Variants in BIN2 observed in about 807,000 individuals in gnomAD.
BIN2 encodes breast cancer associated protein BRAP1.
BIN2 carries 43 observed loss-of-function variants against 67.9 expected under a neutral mutation model. The ratio of observed to expected loss-of-function variants is 0.63; its 90% CI spans 0.50 to 0.82. The LOEUF is 0.82. Among genes scored for constraint, BIN2 ranks in the 40% least tolerant of loss-of-function variants. BIN2 has a pLI of 0.00. For synonymous variants in BIN2, 244 were observed against 246.8 expected (o/e 0.99, Z 0.11); for missense variants, 581 against 671.6 (o/e 0.87, Z 1.49).
At chr12:51,301,684 A>G (rs1377739598) in intron 5 of BIN2, among the ~76,000 whole-genome samples, 2 of 150,972 alleles carry the variant, frequency 1.3e-5, no homozygotes, top group Admixed American at 6.6e-5. Flanking sequence ...TTTTTTTTGT[A>G]TTTTTTGTAG....
Position 51,292,016 on chromosome 12 carries a change from T to G in BIN2, c.1090A>C (p.Ser364Arg). Residue 364 changes from serine to arginine, a missense_variant, in exon 10 of 13, where the codon AGC becomes CGC. By Grantham distance (110) the Ser-to-Arg change is moderately radical. Transcript: ENST00000615107. ...CCGCCTGGTGATGGAGTTGTGGAGC[T>G]GGGGAGAACTTCCTCCTGGGACTTG... ...RAKSQEEVLPSSTTPSPGGAL... is the reference protein window; with the variant it reads ...RAKSQEEVLPRSTTPSPGGAL... The G allele has an allele frequency of 6.2e-7, 1 of 1,614,108 alleles. No individual in the cohort carries two copies. The highest frequency in any genetic ancestry group is 1.3e-5 in the African/African-American group (1 of 75,018).
At chr12:51,310,049 C>T (rs185537254) in intron 2 of BIN2, among the ~76,000 whole-genome samples, 3 of 152,314 alleles carry the variant, frequency 2.0e-5, no homozygotes, top group African/African-American at 7.2e-5. Context: ...CCTGGCCCTG[C>T]AACTTATATG....
chr12:51,324,555 G>C (rs780013423), upstream of BIN2: 2 of 1,527,380 alleles, frequency 1.3e-6, no homozygotes, highest in Non-Finnish European at 8.7e-7. Flanking sequence ...TGCATGCGAA[G>C]CCGCCATGTA....
chr12:51,324,229 CCCCTGGCCAG>C, upstream of BIN2: 2 of 1,461,778 alleles, frequency 1.4e-6, no homozygotes, highest in Non-Finnish European at 1.8e-6. Flanking sequence ...CCTCAGGCCG[CCCCTGGCCAG>C]CCCTGAGGCC....
At position 51,299,701 on chromosome 12, in the gene BIN2, T is replaced by C. The variant is rs749365314; in HGVS notation, c.422A>G (p.Lys141Arg). Residue 141 changes from lysine (K) to arginine (R), a missense_variant, in exon 6 of 13, where the codon AAG (lysine) becomes AGG (arginine). By Grantham distance (26) the Lys-to-Arg change is conservative. Coordinates refer to ENST00000615107, the MANE Select transcript of BIN2 (RefSeq NM_016293.4). ...QFSEIKERIA[K>R]RGRKLVDYDS... ...ATAGTCCACGAGTTTCCGACCCCGC[T>C]TGGCAATTCTCTCCTGACCCAGGGT... is the stretch of plus-strand genomic sequence containing the variant. 2 of 1,614,136 alleles carry C rather than the reference T, an allele frequency of 1.2e-6. No homozygotes were observed. The highest frequency in any genetic ancestry group is 1.7e-6 in the Non-Finnish European group (2 of 1,180,012).
chr12:51,297,689 A>G (rs990626912), intron 7 of BIN2, among the ~76,000 whole-genome samples: 16 of 152,194 alleles, frequency 1.1e-4, no homozygotes, highest in Non-Finnish European at 4.4e-5. Context: ...GGGAGACAAT[A>G]TCAGCTCAGG....
At chr12:51,316,047 A>G (rs1946118453) in intron 1 of BIN2, among the ~76,000 whole-genome samples, 1 of 151,670 alleles carries the variant, frequency 6.6e-6, no homozygotes, top group South Asian at 2.1e-4. Context: ...CATCTCTAGA[A>G]ACCATCTTAT....
At chr12:51,308,997 T>C (rs1200104119) in intron 2 of BIN2, among the ~76,000 whole-genome samples, 1 of 151,558 alleles carries the variant, frequency 6.6e-6, no homozygotes, top group East Asian at 1.9e-4. Flanking sequence ...AGAAAAGAAA[T>C]GTGATCAGGA....
chr12:51,323,759 G>A (rs1299014380), intron 1 of BIN2, among the ~76,000 whole-genome samples: 1 of 152,242 alleles, frequency 6.6e-6, no homozygotes, highest in Non-Finnish European at 1.5e-5. Context: ...GTTGTCGAAG[G>A]TTCTGCCCAG....
chr12:51,291,172 C>CA (rs1327769844), intron 10 of BIN2, among the ~76,000 whole-genome samples: 1 of 151,162 alleles, frequency 6.6e-6, no homozygotes. Context: ...AACAAACAAA[C>CA]AAAAAAAAGT....
intron 3 of BIN2, 63 bp from the exon 4 acceptor site, chr12:51,302,843 G>T: frequency 7.1e-7 from 1 of 1,413,198 alleles, no homozygotes; most frequent in Non-Finnish European, 1.0e-6. Context: ...GTAATCACAT[G>T]GGTGACAAAT....
At chr12:51,299,847 TG>T in intron 5 of BIN2, 133 bp from the exon 6 acceptor site, 4 of 758,372 alleles carry the variant, frequency 5.3e-6, no homozygotes, top group Admixed American at 2.5e-5. Context: ...TTTTTGCTTT[TG>T]TTTTTTTTGA....
At chr12:51,316,170 T>C (rs1273363373) in intron 1 of BIN2, among the ~76,000 whole-genome samples, 2 of 152,118 alleles carry the variant, frequency 1.3e-5, no homozygotes, top group Non-Finnish European at 2.9e-5. Context: ...TGGTTCCCCA[T>C]TCATCTGTTC....
At chr12:51,320,037 G>T (rs1395990842) in intron 1 of BIN2, among the ~76,000 whole-genome samples, 1 of 151,732 alleles carries the variant, frequency 6.6e-6, no homozygotes, top group African/African-American at 2.4e-5. Context: ...CCAGGCTGGA[G>T]TGCAGTGGCA....
intron 1 of BIN2, among the ~76,000 whole-genome samples, 175 bp from the exon 2 acceptor site, chr12:51,314,078 C>T (rs958323937): frequency 6.6e-6 from 1 of 151,796 alleles, no homozygotes; most frequent in Admixed American, 6.6e-5. Flanking sequence ...GACGGAGTCT[C>T]ACTCTGTTGC....
chr12:51,295,458 G>A (rs1323443247), intron 9 of BIN2, among the ~76,000 whole-genome samples: 1 of 148,866 alleles, frequency 6.7e-6, no homozygotes, highest in Admixed American at 6.7e-5. Context: ...AGCTACTCAG[G>A]AGGCTGAGGC....
At chr12:51,320,122 C>G (rs1274404478) in intron 1 of BIN2, among the ~76,000 whole-genome samples, 1 of 152,072 alleles carries the variant, frequency 6.6e-6, no homozygotes, top group East Asian at 1.9e-4. Flanking sequence ...GCAGCCAGGA[C>G]TACAGGTGTG....
chr12:51,294,353 G>T (rs1945474735), intron 9 of BIN2, among the ~76,000 whole-genome samples: 2 of 152,152 alleles, frequency 1.3e-5, no homozygotes, highest in African/African-American at 4.8e-5. Flanking sequence ...CGGATCACGA[G>T]GTCAGAAGTT....
At chr12:51,284,177 G>A (rs1156589823) in intron 12 of BIN2, among the ~76,000 whole-genome samples, 6 of 152,072 alleles carry the variant, frequency 3.9e-5, no homozygotes, top group Non-Finnish European at 5.9e-5. Context: ...CTATACAAGT[G>A]TATCACTTTT....
Sources: allele counts gnomAD v4.1 joint callset (sites outside exome capture counted in the v4.1 genomes callset), GRCh38; gene constraint gnomAD v4.1.1; transcripts MANE v1.5; gene names NCBI Gene and HGNC (gene_info 2026-07-23, HGNC 2026-07-21).